EFR3A: variants seen among roughly 807,000 people sequenced by gnomAD.
EFR3A encodes the protein protein EFR3 homolog A.
EFR3A carries 76 observed loss-of-function variants against 104.4 expected under a neutral mutation model. The ratio of observed to expected loss-of-function variants is 0.73; its 90% CI spans 0.60 to 0.88. EFR3A has a LOEUF of 0.88. Among genes scored for constraint, EFR3A ranks in the 40% least tolerant of loss-of-function variants. EFR3A has a pLI of 0.00. For synonymous variants in EFR3A, 330 were observed against 330.0 expected (o/e 1.00, Z 0.00); for missense variants, 985 against 1,012.5 (o/e 0.97, Z 0.37).
At position 131,948,345 on chromosome 8, in the gene EFR3A, C is replaced by T. The variant is rs956427906; in HGVS notation, c.367-1624C>T. On this transcript the variant is annotated intron_variant, in intron 4 of 22. Transcript: ENST00000254624. The stretch of plus-strand genomic sequence containing the variant: ...AAATGAGGAGAATGAGAATACCAAT[C>T]TCACAGGATTGTTGTGTGACATGAG... Among the ~76,000 whole-genome samples the T allele has an allele frequency of 1.1e-4, 16 of 152,216 alleles. No homozygotes were observed. The East Asian group carries it at 2.7e-3, about 26-fold the overall frequency.
intron 18 of EFR3A, among the ~76,000 whole-genome samples, chr8:131,994,320 T>C (rs533362970): frequency 3.0e-4 from 45 of 152,206 alleles, no homozygotes; most frequent in African/African-American, 9.6e-4. Context: ...ACACTGATTC[T>C]AGACCTGAGC....
chr8:131,923,585 C>G (rs1212772778), intron 1 of EFR3A, among the ~76,000 whole-genome samples: 1 of 148,974 alleles, frequency 6.7e-6, no homozygotes, highest in African/African-American at 2.5e-5. Flanking sequence ...TATTCTGAGT[C>G]TAGGTTTGAA....
In EFR3A at chr8:131,956,999, G is replaced by A. The variant is rs566842657; in HGVS notation, c.776+1094G>A. ...CTTAAAAATCTAGAGAGCTAGCTTG[G>A]AAGAAAGAATTTACCAAATAAGTTG... On this transcript the variant is annotated intron_variant, in intron 7 of 22. Transcript: ENST00000254624. Among the ~76,000 whole-genome samples, 8 of 152,136 alleles carry A rather than the reference G, an allele frequency of 5.3e-5. No individual in the cohort carries two copies. The East Asian group carries it at 1.5e-3, about 29-fold the overall frequency.
intron 22 of EFR3A, among the ~76,000 whole-genome samples, chr8:132,009,973 G>T (rs535041904): frequency 6.6e-6 from 1 of 152,044 alleles, no homozygotes; most frequent in Non-Finnish European, 1.5e-5. Flanking sequence ...AAATATCTGA[G>T]TAGGATTAGA....
intron 3 of EFR3A, 129 bp downstream of exon 3, chr8:131,945,001 T>C: frequency 9.2e-7 from 1 of 1,088,424 alleles, no homozygotes; most frequent in South Asian, 1.6e-5. Context: ...CATTGTAATA[T>C]TATACAAAGA....
intron 10 of EFR3A, 131 bp from the exon 11 acceptor site, chr8:131,975,896 G>A (rs1439274607): frequency 1.6e-6 from 1 of 615,260 alleles, no homozygotes; most frequent in Non-Finnish European, 2.9e-6. Flanking sequence ...ATCCTTTAAT[G>A]TTACATGTAG....
At chr8:131,931,724 T>C (rs1412843205) in intron 1 of EFR3A, among the ~76,000 whole-genome samples, 1 of 152,118 alleles carries the variant, frequency 6.6e-6, no homozygotes, top group Non-Finnish European at 1.5e-5. Flanking sequence ...GTAAGTATTA[T>C]AGTTATTATA....
intron 1 of EFR3A, among the ~76,000 whole-genome samples, chr8:131,913,560 T>C (rs1816620333): frequency 6.6e-6 from 1 of 152,176 alleles, no homozygotes; most frequent in Non-Finnish European, 1.5e-5. Flanking sequence ...AGGAATTCTG[T>C]CCTTCTAAAT....
At chr8:131,993,482 T>C (rs577536126) in intron 18 of EFR3A, among the ~76,000 whole-genome samples, 1 of 152,270 alleles carries the variant, frequency 6.6e-6, no homozygotes, top group South Asian at 2.1e-4. Context: ...TGGAAGGCTG[T>C]CTTGGAGTAG....
In EFR3A at chr8:131,989,219, AT is replaced by A. The variant is rs546844769; in HGVS notation, c.2065+1521del. On this transcript the variant is annotated intron_variant, in intron 18 of 22. Transcript: ENST00000254624. Reference sequence around the variant, plus strand: ...ATGCAGAAACAGAATAAACAGTGATATTTTATGGGATACTGAATCTGTAATT... The same window carrying A: ...ATGCAGAAACAGAATAAACAGTGATATTTATGGGATACTGAATCTGTAATT... Among the ~76,000 whole-genome samples the A allele has an allele frequency of 1.8e-3, 279 of 152,264 alleles. 2 individuals are homozygous for A. The highest frequency in any genetic ancestry group is 6.5e-3 in the African/African-American group (271 of 41,570).
rs1227044809 is a variant in EFR3A at position 131,984,176 on chromosome 8, G to A, written c.1613G>A (p.Cys538Tyr). Residue 538 changes from cysteine to tyrosine, a missense_variant, in exon 15 of 23, where the codon TGT (cysteine) becomes TAT (tyrosine). Transcript: ENST00000254624. ...CTGTATCGGCACATATATTTGGGTTGTAAAGAGGAAGACAACGTTCAGAAA... is the reference window on the plus strand; with the variant it reads ...CTGTATCGGCACATATATTTGGGTTATAAAGAGGAAGACAACGTTCAGAAA... ...QQLYRHIYLG[C>Y]KEEDNVQKNY... 1 of 1,612,218 alleles carries A rather than the reference G, an allele frequency of 6.2e-7. No individual in the cohort carries two copies. Among genetic ancestry groups the A allele is most frequent in the Non-Finnish European group, 8.5e-7 (1 of 1,179,140 alleles).
chr8:131,920,554 G>A (rs1199352231), intron 1 of EFR3A, among the ~76,000 whole-genome samples: 2 of 152,132 alleles, frequency 1.3e-5, no homozygotes, highest in Admixed American at 6.5e-5. Context: ...GCAGGATGTC[G>A]CTTCCCCATT....
intron 15 of EFR3A, among the ~76,000 whole-genome samples, chr8:131,984,665 C>A (rs967113340): frequency 4.6e-5 from 7 of 151,882 alleles, no homozygotes; most frequent in African/African-American, 1.7e-4. Flanking sequence ...TATGCAATGG[C>A]CATATATGCA....
intron 8 of EFR3A, among the ~76,000 whole-genome samples, chr8:131,965,954 C>T (rs1015040925): frequency 6.6e-6 from 1 of 151,892 alleles, no homozygotes; most frequent in African/African-American, 2.4e-5. Flanking sequence ...AGCAAACTAT[C>T]GCAAGGACAA....
chr8:131,920,345 G>C (rs761576651), intron 1 of EFR3A, among the ~76,000 whole-genome samples: 1 of 152,128 alleles, frequency 6.6e-6, no homozygotes, highest in Non-Finnish European at 1.5e-5. Flanking sequence ...CCTCCCTGTA[G>C]CTCTTGCTTG....
chr8:132,008,020 C>T (rs1422913929), intron 22 of EFR3A, among the ~76,000 whole-genome samples: 1 of 151,826 alleles, frequency 6.6e-6, no homozygotes, highest in African/African-American at 2.4e-5. Context: ...AGGAAAGAGT[C>T]CTCTCAGTCT....
chr8:131,979,776 A>G (rs530769552), intron 14 of EFR3A, among the ~76,000 whole-genome samples: 3 of 152,146 alleles, frequency 2.0e-5, no homozygotes, highest in Non-Finnish European at 4.4e-5. Flanking sequence ...GAAAATAGCT[A>G]TCACCATCAA....
At chr8:132,006,843 C>G (rs912412595) in intron 22 of EFR3A, among the ~76,000 whole-genome samples, 2 of 151,872 alleles carry the variant, frequency 1.3e-5, no homozygotes, top group Admixed American at 6.6e-5. Flanking sequence ...AAAGCAAGAT[C>G]AGTTTTACAT....
intron 14 of EFR3A, among the ~76,000 whole-genome samples, chr8:131,980,597 T>C (rs1820558737): frequency 6.6e-6 from 1 of 152,166 alleles, no homozygotes; most frequent in South Asian, 2.1e-4. Flanking sequence ...ATGTATATAA[T>C]GTGGAAAGTT....
Sources: gnomAD v4.1 joint callset for allele counts (sites outside exome capture counted in the v4.1 genomes callset) on GRCh38, gnomAD v4.1.1 for gene constraint, MANE v1.5 for transcripts, NCBI Gene and HGNC (gene_info 2026-07-23, HGNC 2026-07-21) for gene names.